CD99L2: variants seen among roughly 807,000 people sequenced by gnomAD.
CD99L2 encodes the protein CD99 molecule like 2, also known as CD99 antigen-like protein 2.
Under a neutral mutation model 27.3 loss-of-function variants are expected in CD99L2, and 24 were observed. That is an observed-to-expected ratio of 0.88 (90% confidence interval 0.64 to 1.24). The LOEUF (loss-of-function observed/expected upper bound fraction) is 1.24. Ranked by LOEUF, CD99L2 falls within the 50% of genes most tolerant of loss-of-function variation. The pLI is 0.00. For missense variants in CD99L2, 255 were observed against 221.6 expected (o/e 1.15, Z -0.96); for synonymous variants, 97 against 87.9 (o/e 1.10, Z -0.58).
chrX:150,815,971 C>T (rs148880812), intron 3 of CD99L2, 36 bp downstream of exon 3: 22,233 of 1,179,492 alleles, frequency 0.019, 198 homozygotes, highest in Middle Eastern at 0.063. Flanking sequence ...TCCAGAGGGC[C>T]CTTCCTCACT....
intron 1 of CD99L2, among the ~76,000 whole-genome samples, chrX:150,862,999 C>T (rs187586473): frequency 9.8e-5 from 11 of 112,775 alleles, no homozygotes; most frequent in Admixed American, 3.8e-4. Flanking sequence ...AAACCTTTAA[C>T]GTCACATTTT....
intron 1 of CD99L2, among the ~76,000 whole-genome samples, chrX:150,860,831 T>C (rs782779994): frequency 1.8e-5 from 2 of 111,321 alleles, no homozygotes; most frequent in Non-Finnish European, 3.8e-5. Context: ...TGGAAAGACA[T>C]TCCATGCTCA....
chrX:150,826,345 T>C (rs1167461188), intron 2 of CD99L2, among the ~76,000 whole-genome samples: 1 of 111,954 alleles, frequency 8.9e-6, no homozygotes, highest in African/African-American at 3.2e-5. Flanking sequence ...TAAGAAGCTT[T>C]ATTTGGCAGA....
Position 150,816,059 on chromosome X carries a change from G to C in CD99L2, c.150C>G (p.Thr50=). ...SSVKQPWDHT[T]TTTTNRPGTT... ...TTCCTGGCCTATTGGTTGTGGTGGT[G>C]GTGGTGTGGTCCCATGGCTCTAAAA... is the stretch of plus-strand genomic sequence containing the variant. Residue 50 remains threonine (T), a synonymous_variant, in exon 3 of 11, where the codon ACC becomes ACG. Transcript: ENST00000370377. The C allele has an allele frequency of 8.3e-7, 1 of 1,211,411 alleles. No individual in the cohort carries two copies. Among genetic ancestry groups the C allele is most frequent in the Non-Finnish European group, 1.1e-6 (1 of 895,363 alleles).
At chrX:150,815,878 T>TTCA (rs1187333552) in intron 3 of CD99L2, 129 bp downstream of exon 3, 2 of 643,118 alleles carry the variant, frequency 3.1e-6, no homozygotes, top group African/African-American at 2.1e-5. Flanking sequence ...AAACTCAGTG[T>TTCA]TCACATGGAT....
intron 4 of CD99L2, among the ~76,000 whole-genome samples, chrX:150,804,486 C>A (rs782126827): frequency 8.9e-6 from 1 of 111,857 alleles, no homozygotes; most frequent in East Asian, 2.8e-4. Context: ...GTGGCTCATG[C>A]CTATAATCCC....
intron 2 of CD99L2, among the ~76,000 whole-genome samples, chrX:150,817,351 T>G (rs1444676859): frequency 9.0e-6 from 1 of 110,780 alleles, no homozygotes. Flanking sequence ...TTAAAAAAAA[T>G]TATCCACATA....
intron 1 of CD99L2, among the ~76,000 whole-genome samples, chrX:150,832,771 C>T (rs1557421101): frequency 9.0e-6 from 1 of 110,535 alleles, no homozygotes; most frequent in East Asian, 2.9e-4. Context: ...CCACCAGGGC[C>T]GGGCGTGGTG....
intron 2 of CD99L2, among the ~76,000 whole-genome samples, chrX:150,818,540 CA>C (rs1163557545): frequency 1.5e-4 from 17 of 110,461 alleles, no homozygotes; most frequent in Non-Finnish European, 2.7e-4. Flanking sequence ...AAAAAAACCA[CA>C]AGGGAAATTA....
chrX:150,795,654 G>A (rs2045785245), intron 4 of CD99L2, among the ~76,000 whole-genome samples, 168 bp from the exon 5 acceptor site: 1 of 111,923 alleles, frequency 8.9e-6, no homozygotes, highest in African/African-American at 3.2e-5. Flanking sequence ...GATATAAAAG[G>A]CTTAAATGAG....
chrX:150,872,043 C>A (rs1397951474), intron 1 of CD99L2, among the ~76,000 whole-genome samples: 1 of 110,756 alleles, frequency 9.0e-6, no homozygotes, highest in East Asian at 2.8e-4. Context: ...CAAGCCTGGG[C>A]AATGTAGGGA....
intron 2 of CD99L2, among the ~76,000 whole-genome samples, chrX:150,826,804 C>G (rs1223017305): frequency 8.9e-6 from 1 of 111,831 alleles, no homozygotes; most frequent in Non-Finnish European, 1.9e-5. Context: ...TTCCGGGCCA[C>G]AGAGTAAGCC....
chrX:150,771,944 T>A (rs1486529439), intron 9 of CD99L2: 1 of 798,488 alleles, frequency 1.3e-6, no homozygotes, highest in African/African-American at 2.1e-5. Flanking sequence ...ATGGGCCTTT[T>A]GGCAGCAGCA....
At chrX:150,858,978 G>C (rs924257741) in intron 1 of CD99L2, among the ~76,000 whole-genome samples, 1 of 111,455 alleles carries the variant, frequency 9.0e-6, no homozygotes, top group Non-Finnish European at 1.9e-5. Flanking sequence ...CCAAGAAGAA[G>C]AGAGAAGACC....
chrX:150,791,434 G>T (rs2045685871), intron 7 of CD99L2, among the ~76,000 whole-genome samples: 1 of 111,255 alleles, frequency 9.0e-6, no homozygotes, highest in Admixed American at 9.6e-5. Context: ...CAGTGAATGA[G>T]ACTCATGAAT....
At chrX:150,816,336 T>C (rs1019857182) in intron 2 of CD99L2, 3 of 361,670 alleles carry the variant, frequency 8.3e-6, no homozygotes, top group Non-Finnish European at 1.5e-5. Context: ...GACCTGGTGA[T>C]TAGTGAACCT....
intron 1 of CD99L2, among the ~76,000 whole-genome samples, chrX:150,867,624 T>C (rs782370845): frequency 2.3e-4 from 25 of 110,060 alleles, no homozygotes; most frequent in Non-Finnish European, 4.4e-4. Flanking sequence ...CTGGGCACGG[T>C]GGCTCACGCC....
chrX:150,768,891 C>T lies in CD99L2; in HGVS notation c.*143G>A, dbSNP rs2043357089. The stretch of plus-strand genomic sequence containing the variant: ...GCAGAGAAACCAAACTCACAAACAC[C>T]CAGAGCTCATCCGGGAAACTCAGAC... On this transcript the variant is annotated 3_prime_UTR_variant, in exon 11 of 11. Coordinates refer to ENST00000370377, the MANE Select transcript of CD99L2 (RefSeq NM_031462.4). The T allele has an allele frequency of 9.5e-7, 1 of 1,055,286 alleles. No homozygotes were observed. Among genetic ancestry groups the T allele is most frequent in the Non-Finnish European group, 1.2e-6 (1 of 827,626 alleles). The allele number at this position is 1,055,286 out of a possible 1,213,427, so 87.0% of individuals were successfully genotyped here.
rs1234771272 is a variant in CD99L2, at chrX:150,821,351, G to T, written c.131-5273C>A. Among the ~76,000 whole-genome samples, 23 of 112,332 alleles carry T rather than the reference G, an allele frequency of 2.0e-4. No homozygotes were observed. In the Admixed American group the frequency reaches 2.1e-3, roughly 10 times the overall value. ...ATGTTATAGGATTGAGAGTCTAGAA[G>T]TAAACCTTCATATTTATGGTCAATT... On this transcript the variant is annotated intron_variant, in intron 2 of 10. Transcript: ENST00000370377.
Sources: gnomAD v4.1 joint callset for allele counts (sites outside exome capture counted in the v4.1 genomes callset) on GRCh38, gnomAD v4.1.1 for gene constraint, MANE v1.5 for transcripts, NCBI Gene and HGNC (gene_info 2026-07-23, HGNC 2026-07-21) for gene names.